YJU2B: variants seen among roughly 807,000 people sequenced by gnomAD.
The protein encoded by YJU2B is YJU2 splicing factor homolog B.
YJU2B carries 18 observed loss-of-function variants against 38.0 expected under a neutral mutation model. That is an observed-to-expected ratio of 0.47 (90% CI 0.33 to 0.70). The LOEUF (loss-of-function observed/expected upper bound fraction) is 0.70, where lower values mean the gene tolerates loss of function less well. Ranked by LOEUF, YJU2B falls within the 30% of genes least tolerant of loss-of-function variation. YJU2B has a pLI of 0.02. For missense variants in YJU2B, 538 were observed against 556.3 expected, an observed-to-expected ratio of 0.97 and a Z score of 0.33; for synonymous variants, 246 against 225.4, an observed-to-expected ratio of 1.09 and a Z score of -0.82.
At chr19:13,735,382 C>G (rs1972916966) in intron 2 of YJU2B, among the ~76,000 whole-genome samples, 1 of 152,164 alleles carries the variant, frequency 6.6e-6, no homozygotes, top group South Asian at 2.1e-4. Context: ...TATCACTTAA[C>G]TTTTCCCTGG....
upstream of YJU2B, among the ~76,000 whole-genome samples, chr19:13,746,432 A>G (rs1973252805): frequency 1.3e-5 from 2 of 152,304 alleles, no homozygotes; most frequent in East Asian, 3.9e-4. Flanking sequence ...TGTTGCAGAC[A>G]TAGACAATAG....
intron 2 of YJU2B, among the ~76,000 whole-genome samples, chr19:13,738,463 T>C (rs1387376880): frequency 6.6e-6 from 1 of 152,112 alleles, no homozygotes; most frequent in Non-Finnish European, 1.5e-5. Flanking sequence ...CTTTGCCAGA[T>C]AAAAACAAAA....
chr19:13,751,598 T>G lies in YJU2B; in HGVS notation c.-201-10T>G, dbSNP rs1428463881. Reference sequence around the variant, plus strand: ...CTGTAGAGTGGACGGGACTCTCTCTTTCTAAACAGACACGCCGCTTTTTGG... The same window carrying G: ...CTGTAGAGTGGACGGGACTCTCTCTGTCTAAACAGACACGCCGCTTTTTGG... On this transcript the variant is annotated splice_polypyrimidine_tract_variant and intron_variant, in intron 1 of 9. Transcript: ENST00000221554. 1 of 590,324 alleles carries G rather than the reference T, an allele frequency of 1.7e-6. No homozygotes were observed. The highest frequency in any genetic ancestry group is 2.8e-5 in the East Asian group (1 of 35,352). 36.6% of individuals were successfully genotyped at this position (590,324 alleles called of 1,614,324 possible). A position where few individuals can be genotyped will look rare whatever the true frequency, so the allele number is the denominator to read the frequency against.
At chr19:13,740,590 T>C (rs2145091316) in intron 2 of YJU2B, among the ~76,000 whole-genome samples, 1 of 152,208 alleles carries the variant, frequency 6.6e-6, no homozygotes, top group Non-Finnish European at 1.5e-5. Flanking sequence ...CAGGCTAGAG[T>C]GTAGTGGCGC....
At chr19:13,742,293 ACTTTTTT>A (rs1465578828) in intron 2 of YJU2B, among the ~76,000 whole-genome samples, 3 of 103,758 alleles carry the variant, frequency 2.9e-5, no homozygotes, top group Non-Finnish European at 5.8e-5. Context: ...TTTGAGTCCC[ACTTTTTT>A]TTTTTTTTTT....
rs1973468127 is a variant in YJU2B at position 13,751,613 on chromosome 19, C to T, written c.-196C>T. ...GACTCTCTCTTTCTAAACAGACACG[C>T]CGCTTTTTGGATGCCTCCTATGCCT... On this transcript the variant is annotated 5_prime_UTR_variant, in exon 2 of 10. Coordinates refer to ENST00000221554, the MANE Select transcript of YJU2B (RefSeq NM_030818.4). The T allele has an allele frequency of 2.0e-5, 12 of 597,582 alleles. No homozygotes were observed. The highest frequency in any genetic ancestry group is 5.6e-5 in the East Asian group (2 of 35,450). The allele number at this position is 597,582 out of a possible 1,614,324, so 37.0% of individuals were successfully genotyped here. A position where few individuals can be genotyped will look rare whatever the true frequency, so the allele number is the denominator to read the frequency against.
At chr19:13,741,076 T>C (rs1292619098) in intron 2 of YJU2B, among the ~76,000 whole-genome samples, 1 of 152,116 alleles carries the variant, frequency 6.6e-6, no homozygotes, top group East Asian at 1.9e-4. Context: ...CAAAACCAGG[T>C]AGGCTTTAAT....
chr19:13,745,698 T>TAGATAGATAG (rs368183752), upstream of YJU2B, among the ~76,000 whole-genome samples: 748 of 126,792 alleles, frequency 5.9e-3, 5 homozygotes, highest in East Asian at 0.011. Flanking sequence ...TAGATATAGA[T>TAGATAGATAG]ATATAGATAT....
rs751339244 is a variant in YJU2B, at chr19:13,759,016, C to T, written c.400+6C>T. The stretch of plus-strand genomic sequence containing the variant: ...TGAGCAGGTGCTGACCACAGGTGAG[C>T]GCCACCCACTTACCTGCCTGGGGGC... On this transcript the variant is annotated splice_donor_region_variant and intron_variant, in intron 7 of 9. Transcript: ENST00000221554. 3.7e-6 allele frequency: 6 copies of T among 1,612,536 alleles called. No individual in the cohort carries two copies. Among genetic ancestry groups the T allele is most frequent in the East Asian group, 4.5e-5 (2 of 44,836 alleles).
intron 2 of YJU2B, among the ~76,000 whole-genome samples, chr19:13,736,835 C>T (rs1599487856): frequency 6.6e-6 from 1 of 151,662 alleles, no homozygotes. Flanking sequence ...AGTTCGAGAC[C>T]AGCCTGGCCA....
rs146715389 is a variant in YJU2B at position 13,736,420 on chromosome 19, G to A, written c.-202+4135G>A. 3.8e-4 allele frequency among the ~76,000 whole-genome samples: 58 copies of A among 151,582 alleles called. No homozygotes were observed. The East Asian group carries it at 9.2e-3, about 24-fold the overall frequency. On this transcript the variant is annotated intron_variant, in intron 2 of 10. Transcript: ENST00000586600. ...ATTACAGGCACCTGCCACTAAGCCC[G>A]GCTAATTTTTGTATTTTTTAGTAGA...
chr19:13,752,275 A>T (rs1360947376), intron 2 of YJU2B, among the ~76,000 whole-genome samples: 6 of 92,460 alleles, frequency 6.5e-5, no homozygotes, highest in African/African-American at 2.2e-4. Context: ...TCTTTCTTTC[A>T]TTTTTTTTTA....
At chr19:13,757,868 C>T in intron 6 of YJU2B, 22 bp downstream of exon 6, 1 of 1,610,292 alleles carries the variant, frequency 6.2e-7, no homozygotes, top group Non-Finnish European at 8.5e-7. Flanking sequence ...TTGGTGGCAT[C>T]TTGGGAACAG....
In YJU2B at chr19:13,763,053, C is replaced by G. The variant is rs775683553; in HGVS notation, c.1176C>G (p.Asp392Glu). ...LGSSLVADYS[D>E]SESE ...CCTCCCTCGTGGCGGACTACTCCGA[C>G]TCGGAGAGTGAGTGAGCGATCCCCA... Residue 392 changes from aspartate to glutamate, a missense_variant, in exon 10 of 10, where the codon GAC becomes GAG. Physicochemically the swap from Asp to Glu is conservative, Grantham distance 45. Around this residue, in one of 2 missense-constraint regions of YJU2B, gnomAD observed 488 missense variants for 469.5 expected, o/e 1.04. Coordinates refer to ENST00000221554, the MANE Select transcript of YJU2B (RefSeq NM_030818.4). 333 of 1,557,080 alleles carry G rather than the reference C, an allele frequency of 2.1e-4. No individual in the cohort carries two copies. Among genetic ancestry groups the G allele is most frequent in the Non-Finnish European group, 2.8e-4 (324 of 1,151,086 alleles).
At position 13,751,922 on chromosome 19, in the gene YJU2B, G is replaced by C; in HGVS notation, c.3+111G>C. On this transcript the variant is annotated intron_variant, in intron 2 of 9. Transcript: ENST00000221554. ...CTAAGATGATGATTTCAATCTCCGG[G>C]TCATCATCTTTTGGTGCAGTGGGTC... The C allele has an allele frequency of 2.8e-6, 3 of 1,072,874 alleles. No homozygotes were observed. In the Admixed American group the frequency reaches 5.5e-5, roughly 20 times the overall value. The allele number at this position is 1,072,874 out of a possible 1,614,324, so 66.5% of individuals were successfully genotyped here.
intron 6 of YJU2B, among the ~76,000 whole-genome samples, chr19:13,758,440 G>A (rs1568295241): frequency 2.0e-5 from 3 of 152,104 alleles, no homozygotes; most frequent in Non-Finnish European, 4.4e-5. Flanking sequence ...TGAACTAGTG[G>A]ACAAATGAAT....
intron 2 of YJU2B, among the ~76,000 whole-genome samples, chr19:13,732,931 ATT>A (rs757629860): frequency 9.6e-5 from 12 of 125,324 alleles, no homozygotes; most frequent in Non-Finnish European, 1.2e-4. Flanking sequence ...ACCTTTTGAA[ATT>A]TTTTTTTTTT....
chr19:13,735,562 T>C (rs1972922291), intron 2 of YJU2B, among the ~76,000 whole-genome samples: 1 of 150,516 alleles, frequency 6.6e-6, no homozygotes, highest in African/African-American at 2.4e-5. Flanking sequence ...CCCAGCCCAG[T>C]CCCCTAAACA....
rs1973474442 is a variant in YJU2B, at chr19:13,751,756, G to A, written c.-53G>A. ...CAGGACAGTGCAGTGTGTTCACAAGGCCAGTTTCTGATCGTCCGCCCCGAG... is the reference window on the plus strand; with the variant it reads ...CAGGACAGTGCAGTGTGTTCACAAGACCAGTTTCTGATCGTCCGCCCCGAG... On this transcript the variant is annotated 5_prime_UTR_variant, in exon 2 of 10. Coordinates refer to ENST00000221554, the MANE Select transcript of YJU2B (RefSeq NM_030818.4). 1.2e-6 allele frequency: 2 copies of A among 1,610,630 alleles called. No homozygotes were observed. The highest frequency in any genetic ancestry group is 1.3e-5 in the African/African-American group (1 of 74,834).
Sources: gnomAD v4.1 joint callset for allele counts (sites outside exome capture counted in the v4.1 genomes callset) on GRCh38, gnomAD v4.1.1 for gene constraint, gnomAD v4.1.1 regional missense constraint, MANE v1.5 for transcripts, NCBI Gene and HGNC (gene_info 2026-07-23, HGNC 2026-07-21) for gene names.